Variants in EPHA6 observed in about 807,000 individuals in gnomAD.
EPHA6 encodes the protein ephrin type-A receptor 6.
Under a neutral mutation model 112.0 loss-of-function variants are expected in EPHA6, and 50 were observed. The observed-to-expected ratio is 0.45, with a 90% confidence interval of 0.36 to 0.56. The LOEUF is 0.56. Ranked by LOEUF, EPHA6 falls within the 20% of genes least tolerant of loss-of-function variation. The pLI, the probability that EPHA6 is intolerant of heterozygous loss-of-function variation, is 0.00. For missense variants in EPHA6, 1,280 were observed against 1,417.4 expected (o/e 0.90, Z 1.56); for synonymous variants, 529 against 490.7 (o/e 1.08, Z -1.03).
At chr3:97,406,833 A>T (rs2087379789) in intron 6 of EPHA6, among the ~76,000 whole-genome samples, 1 of 152,158 alleles carries the variant, frequency 6.6e-6, no homozygotes, top group African/African-American at 2.4e-5. Context: ...GTGCTCAGAA[A>T]TCTGCTGGGC....
chr3:96,840,711 G>A (rs954478030), intron 1 of EPHA6, among the ~76,000 whole-genome samples: 1 of 152,038 alleles, frequency 6.6e-6, no homozygotes, highest in Non-Finnish European at 1.5e-5. Flanking sequence ...AAAGTACTGA[G>A]TCCTGATTAC....
intron 2 of EPHA6, among the ~76,000 whole-genome samples, chr3:96,967,345 T>C (rs2042160032): frequency 6.6e-6 from 1 of 151,246 alleles, no homozygotes; most frequent in African/African-American, 2.4e-5. Flanking sequence ...GTTTACTTTT[T>C]GTTTTATAAT....
At chr3:97,570,676 C>T (rs1284906869) in intron 11 of EPHA6, among the ~76,000 whole-genome samples, 1 of 151,040 alleles carries the variant, frequency 6.6e-6, no homozygotes, top group African/African-American at 2.4e-5. Context: ...TTGCAGTAAG[C>T]AGAGATCACA....
At chr3:97,052,878 G>T (rs368119650) in intron 3 of EPHA6, among the ~76,000 whole-genome samples, 1 of 152,030 alleles carries the variant, frequency 6.6e-6, no homozygotes, top group Non-Finnish European at 1.5e-5. Context: ...ATCAGGGGAG[G>T]CCTACCTCCA....
At chr3:96,946,759 C>T (rs959024296) in intron 2 of EPHA6, among the ~76,000 whole-genome samples, 9 of 152,164 alleles carry the variant, frequency 5.9e-5, no homozygotes, top group African/African-American at 2.2e-4. Flanking sequence ...CACTGACTTC[C>T]ACAATGGTTG....
At chr3:97,180,227 A>G (rs2076950763) in intron 3 of EPHA6, among the ~76,000 whole-genome samples, 1 of 152,016 alleles carries the variant, frequency 6.6e-6, no homozygotes, top group African/African-American at 2.4e-5. Flanking sequence ...CCTTAAGGCC[A>G]AGGTCTCTTG....
intron 3 of EPHA6, among the ~76,000 whole-genome samples, chr3:97,186,120 C>A (rs140927592): frequency 0.012 from 1,890 of 151,862 alleles, 34 homozygotes; most frequent in African/African-American, 0.044. Context: ...TTAAATGACG[C>A]GTTACTGGGT....
chr3:97,690,224 G>A (rs2032563029), intron 14 of EPHA6, among the ~76,000 whole-genome samples: 1 of 152,206 alleles, frequency 6.6e-6, no homozygotes. Context: ...CTGCTAAATT[G>A]TTTTCCAAAG....
At chr3:97,469,308 A>G (rs2107435586) in intron 7 of EPHA6, among the ~76,000 whole-genome samples, 1 of 151,764 alleles carries the variant, frequency 6.6e-6, no homozygotes, top group Middle Eastern at 3.4e-3. Flanking sequence ...CTCTCTTTGT[A>G]GATGCCTCCC....
intron 15 of EPHA6, among the ~76,000 whole-genome samples, chr3:97,730,464 T>A (rs1168048978): frequency 6.6e-6 from 1 of 152,108 alleles, no homozygotes; most frequent in Admixed American, 6.6e-5. Context: ...TATTTTAATT[T>A]TCTTCTTACA....
rs544793321 is a variant in EPHA6 at position 96,854,147 on chromosome 3, AT to A, written c.386-12677del. 3.1e-3 allele frequency among the ~76,000 whole-genome samples: 465 copies of A among 150,956 alleles called. 4 individuals are homozygous for A. The highest frequency in any genetic ancestry group is 0.01 in the African/African-American group (425 of 41,192). ...TTACATCATGGATCTAAAAAAAGAT[AT>A]ATAGAATACTTCAACTCTGTTTAAT... On this transcript the variant is annotated intron_variant, in intron 1 of 17. Coordinates refer to ENST00000389672, the MANE Select transcript of EPHA6 (RefSeq NM_001080448.3).
chr3:97,330,136 A>G (rs78735173), intron 5 of EPHA6, among the ~76,000 whole-genome samples: 150,552 of 150,646 alleles, frequency 1, 75,229 homozygotes, highest in Middle Eastern at 1. Flanking sequence ...GTAGATATGC[A>G]GCATTATTTC....
At chr3:96,971,807 CT>C (rs2042326250) in intron 2 of EPHA6, among the ~76,000 whole-genome samples, 1 of 152,076 alleles carries the variant, frequency 6.6e-6, no homozygotes, top group Admixed American at 6.6e-5. Flanking sequence ...CATTTTGCAA[CT>C]TTTCATTCTC....
At chr3:96,821,281 ACT>A (rs1559748373) in intron 1 of EPHA6, among the ~76,000 whole-genome samples, 2 of 151,924 alleles carry the variant, frequency 1.3e-5, no homozygotes, top group Non-Finnish European at 2.9e-5. Flanking sequence ...ACTCTTACAC[ACT>A]GTTTTTTAGA....
At chr3:97,072,197 G>A (rs780243632) in intron 3 of EPHA6, among the ~76,000 whole-genome samples, 16 of 152,064 alleles carry the variant, frequency 1.1e-4, no homozygotes, top group African/African-American at 2.4e-4. Flanking sequence ...ATGGGATAGC[G>A]TTCTATCCAT....
chr3:96,873,712 C>T (rs1464539024), intron 2 of EPHA6, among the ~76,000 whole-genome samples: 1 of 152,020 alleles, frequency 6.6e-6, no homozygotes, highest in Non-Finnish European at 1.5e-5. Context: ...GATTTCAGAG[C>T]TTTCTTGTGG....
At chr3:97,682,965 TAATAACAAA>T (rs1417487562) in intron 14 of EPHA6, among the ~76,000 whole-genome samples, 4 of 152,152 alleles carry the variant, frequency 2.6e-5, no homozygotes, top group Non-Finnish European at 5.9e-5. Flanking sequence ...GACTACAGCT[TAATAACAAA>T]TACCAGCTAC....
At chr3:97,654,067 A>G (rs2094123105) in intron 14 of EPHA6, among the ~76,000 whole-genome samples, 1 of 151,952 alleles carries the variant, frequency 6.6e-6, no homozygotes, top group African/African-American at 2.4e-5. Flanking sequence ...ACACAATACT[A>G]AATTTAACAA....
chr3:97,037,325 T>C (rs2045137695), intron 3 of EPHA6, among the ~76,000 whole-genome samples: 1 of 152,022 alleles, frequency 6.6e-6, no homozygotes, highest in African/African-American at 2.4e-5. Flanking sequence ...TAACTAGAGG[T>C]CTAAACTTAG....
Sources: allele counts gnomAD v4.1 joint callset (sites outside exome capture counted in the v4.1 genomes callset), GRCh38; gene constraint gnomAD v4.1.1; transcripts MANE v1.5; gene names NCBI Gene and HGNC (gene_info 2026-07-23, HGNC 2026-07-21).